LYPD6B: variants seen among roughly 807,000 people sequenced by gnomAD.
LYPD6B encodes the protein LY6/PLAUR domain containing 6B, also known as ly6/PLAUR domain-containing protein 6B.
LYPD6B carries 17 observed loss-of-function variants against 22.8 expected under a neutral mutation model. The observed-to-expected ratio is 0.75, with a 90% CI of 0.51 to 1.12. The LOEUF (loss-of-function observed/expected upper bound fraction) is 1.12, where lower values mean the gene tolerates loss of function less well. Among genes scored for constraint, LYPD6B ranks in the 50% most tolerant of loss-of-function variants. The pLI is 0.00. For missense variants in LYPD6B, 221 were observed against 258.3 expected (o/e 0.86, Z 0.99); for synonymous variants, 106 against 91.6 (o/e 1.16, Z -0.90).
chr2:149,130,708 C>G (rs973811394), intron 1 of LYPD6B, among the ~76,000 whole-genome samples, 175 bp from the exon 2 acceptor site: 1 of 152,198 alleles, frequency 6.6e-6, no homozygotes, highest in Non-Finnish European at 1.5e-5. Flanking sequence ...CAAGAGGCCA[C>G]TGTACAAAAT....
intron 1 of LYPD6B, among the ~76,000 whole-genome samples, chr2:149,062,441 A>G (rs1684132787): frequency 6.6e-6 from 1 of 152,214 alleles, no homozygotes; most frequent in African/African-American, 2.4e-5. Context: ...GAAGGGGATT[A>G]AAAGCAGAGA....
intron 1 of LYPD6B, among the ~76,000 whole-genome samples, chr2:149,125,340 T>TAAGCTG (rs1449071524): frequency 6.6e-6 from 1 of 152,076 alleles, no homozygotes; most frequent in African/African-American, 2.4e-5. Context: ...GCTGAAAGTT[T>TAAGCTG]AAGCTGCCAA....
At chr2:149,114,585 TCA>T (rs574280228) in intron 1 of LYPD6B, among the ~76,000 whole-genome samples, 54 of 152,338 alleles carry the variant, frequency 3.5e-4, no homozygotes, top group Admixed American at 1.6e-3. Context: ...TGAAGGGGGT[TCA>T]CACACTACTG....
chr2:149,174,870 A>T (rs576674417), intron 3 of LYPD6B, among the ~76,000 whole-genome samples: 3 of 152,176 alleles, frequency 2.0e-5, no homozygotes, highest in African/African-American at 7.2e-5. Context: ...CTGTGCCGCA[A>T]ACCACCATGG....
intron 1 of LYPD6B, among the ~76,000 whole-genome samples, chr2:149,039,830 A>G (rs919028697): frequency 3.9e-5 from 6 of 152,214 alleles, no homozygotes; most frequent in Non-Finnish European, 8.8e-5. Flanking sequence ...CGGGCCCTGC[A>G]GATGGAGGGG....
chr2:149,197,727 G>T (rs60176178), intron 3 of LYPD6B, among the ~76,000 whole-genome samples: 4,906 of 152,262 alleles, frequency 0.032, 252 homozygotes, highest in African/African-American at 0.11. Context: ...AGAGCAAAGG[G>T]AAATGCACAG....
At chr2:149,150,462 CA>C (rs1689297884) in intron 2 of LYPD6B, among the ~76,000 whole-genome samples, 1 of 152,144 alleles carries the variant, frequency 6.6e-6, no homozygotes, top group African/African-American at 2.4e-5. Flanking sequence ...AAGGGTTGAA[CA>C]AAGAGTGAAA....
chr2:149,175,023 ATCTCTCTCTCTCTCTC>A (rs142556922), intron 3 of LYPD6B, among the ~76,000 whole-genome samples: 1 of 125,754 alleles, frequency 8.0e-6, no homozygotes, highest in Non-Finnish European at 1.7e-5. Flanking sequence ...AATCTCTTTA[ATCTCTCTCTCTCTCTC>A]TCTCTCTCTC....
At chr2:149,039,220 C>T (rs930290866) in intron 1 of LYPD6B, among the ~76,000 whole-genome samples, 48 of 152,324 alleles carry the variant, frequency 3.2e-4, no homozygotes, top group Non-Finnish European at 2.4e-4. Context: ...CAAGAGCGAG[C>T]GTGCCAGCTC....
intron 3 of LYPD6B, among the ~76,000 whole-genome samples, chr2:149,190,262 G>A (rs777453082): frequency 6.6e-6 from 1 of 152,124 alleles, no homozygotes; most frequent in Non-Finnish European, 1.5e-5. Context: ...TAGGTAATGT[G>A]TGTGTGTGTG....
At chr2:149,190,110 C>CTGT (rs1692395895) in intron 3 of LYPD6B, among the ~76,000 whole-genome samples, 1 of 152,124 alleles carries the variant, frequency 6.6e-6, no homozygotes. Flanking sequence ...GGCTCTCTAC[C>CTGT]TGTAGGCCAT....
intron 1 of LYPD6B, among the ~76,000 whole-genome samples, chr2:149,088,094 C>CT (rs1046800899): frequency 2.0e-4 from 19 of 94,036 alleles, no homozygotes; most frequent in African/African-American, 5.5e-4. Context: ...CCTCCTGTTG[C>CT]TCCCCCCACC....
At chr2:149,184,884 T>G (rs1691988422) in intron 3 of LYPD6B, among the ~76,000 whole-genome samples, 1 of 152,234 alleles carries the variant, frequency 6.6e-6, no homozygotes, top group South Asian at 2.1e-4. Context: ...TAGTACGCGA[T>G]AGGCATGTTC....
chr2:149,102,636 G>GT (rs1473290350), intron 1 of LYPD6B, among the ~76,000 whole-genome samples: 1 of 151,906 alleles, frequency 6.6e-6, no homozygotes, highest in East Asian at 1.9e-4. Context: ...TTTTGTTTTT[G>GT]TTTTTTGTTT....
At chr2:149,202,168 A>G (rs984963496) in intron 3 of LYPD6B, among the ~76,000 whole-genome samples, 16 of 152,174 alleles carry the variant, frequency 1.1e-4, no homozygotes, top group African/African-American at 3.6e-4. Context: ...TAGAGATAAG[A>G]CTAGGAATCT....
intron 3 of LYPD6B, among the ~76,000 whole-genome samples, chr2:149,162,719 TTTTGC>T (rs1047896048): frequency 9.5e-4 from 145 of 152,156 alleles, no homozygotes; most frequent in African/African-American, 3.1e-3. Flanking sequence ...CTTTAGTGTA[TTTTGC>T]TGTTGTTTTC....
intron 1 of LYPD6B, among the ~76,000 whole-genome samples, chr2:149,100,416 CAAAAAAAAAAA>C (rs58068035): frequency 4.4e-5 from 3 of 67,964 alleles, no homozygotes; most frequent in Non-Finnish European, 7.9e-5. Context: ...TTGGCTTTGA[CAAAAAAAAAAA>C]AAAAAAAAAA....
At chr2:149,050,796 G>T in intron 1 of LYPD6B, among the ~76,000 whole-genome samples, 1 of 152,180 alleles carries the variant, frequency 6.6e-6, no homozygotes, top group East Asian at 1.9e-4. Flanking sequence ...CACCCAGGAA[G>T]CCCGGAGCTA....
chr2:149,050,396 G>A (rs1200662486), intron 1 of LYPD6B, among the ~76,000 whole-genome samples: 1 of 152,000 alleles, frequency 6.6e-6, no homozygotes, highest in African/African-American at 2.4e-5. Flanking sequence ...GTGAAACCAC[G>A]TCACCATCAA....
Sources: allele counts gnomAD v4.1 joint callset (sites outside exome capture counted in the v4.1 genomes callset), GRCh38; gene constraint gnomAD v4.1.1; transcripts MANE v1.5; gene names NCBI Gene and HGNC (gene_info 2026-07-23, HGNC 2026-07-21).